HGS: variants seen among roughly 807,000 people sequenced by gnomAD.
HGS encodes the protein human growth factor-regulated tyrosine kinase substrate.
A neutral mutation model predicts 109.7 loss-of-function variants in HGS; 63 were observed. That is an observed-to-expected ratio of 0.57 (90% CI 0.47 to 0.71). The LOEUF (loss-of-function observed/expected upper bound fraction) is 0.71, where lower values mean the gene tolerates loss of function less well. Ranked by LOEUF, HGS falls within the 30% of genes least tolerant of loss-of-function variation. HGS has a pLI of 0.00. For synonymous variants in HGS, 546 were observed against 437.3 expected, an observed-to-expected ratio of 1.25 and a Z score of -3.10; for missense variants, 995 against 1,068.3, an observed-to-expected ratio of 0.93 and a Z score of 0.96.
Position 81,691,129 on chromosome 17 carries a change from T to G in HGS, c.538-318T>G. ...GGCTGGCAACCGGCAGTGCTTGGGG[T>G]TTGGGGTGTCAGCAGCTTCCAGCAC... On this transcript the variant is annotated intron_variant, in intron 7 of 21. Transcript: ENST00000329138. This position sits in a 1 kb window ranked among gnomAD's most constrained non-coding sequence, Gnocchi z 5.3. 2.4e-6 allele frequency: 1 copy of G among 414,034 alleles called. No homozygotes were observed. Among genetic ancestry groups the G allele is most frequent in the Non-Finnish European group, 4.4e-6 (1 of 226,566 alleles). The allele number at this position is 414,034 out of a possible 1,614,324, so 25.6% of individuals were successfully genotyped here. A position where few individuals can be genotyped will look rare whatever the true frequency, so the allele number is the denominator to read the frequency against.
chr17:81,695,155 C>A lies in HGS; in HGVS notation c.1120-9C>A. On this transcript the variant is annotated splice_polypyrimidine_tract_variant and intron_variant, in intron 13 of 21. Coordinates refer to ENST00000329138, the MANE Select transcript of HGS (RefSeq NM_004712.5). ...AGGTTGGAGGCCCCACTCATTCTCT[C>A]TCTTCCAGAACCCCCTCCCGGAGAC... The A allele has an allele frequency of 6.2e-7, 1 of 1,614,066 alleles. No homozygotes were observed. The highest frequency in any genetic ancestry group is 2.2e-5 in the East Asian group (1 of 44,888).
chr17:81,686,287 G>T, intron 2 of HGS, 25 bp from the exon 3 acceptor site: 1 of 1,600,018 alleles, frequency 6.2e-7, no homozygotes, highest in Admixed American at 1.7e-5. Flanking sequence ...GTTTTTCTCT[G>T]CTTTTATCAA....
chr17:81,701,104 C>A lies in HGS; in HGVS notation c.2196C>A (p.Ile732=). ...DASLPPQQPY[I]AGQQPMYQQM... ...CTCTGCCACCCCAGCAGCCCTACAT[C>A]GCGGGGCAGCAGCCCATGTACCAGC... is the stretch of plus-strand genomic sequence containing the variant. The change falls in exon 21 of 22, where the codon ATC becomes ATA. Residue 732 remains isoleucine, a synonymous_variant. Coordinates refer to ENST00000329138, the MANE Select transcript of HGS (RefSeq NM_004712.5). 1 of 1,613,956 alleles carries A rather than the reference C, an allele frequency of 6.2e-7. No individual in the cohort carries two copies. The highest frequency in any genetic ancestry group is 1.1e-5 in the South Asian group (1 of 91,086).
intron 4 of HGS, among the ~76,000 whole-genome samples, chr17:81,687,741 A>T (rs1014054928): frequency 2.0e-5 from 3 of 152,144 alleles, no homozygotes; most frequent in African/African-American, 7.2e-5. Flanking sequence ...AAGGAGAAAG[A>T]GTGTCCCATG....
chr17:81,700,494 A>G lies in HGS; in HGVS notation c.1910A>G (p.Tyr637Cys). ...ADPSMVSAYM[Y>C]PAGATGAQAA... ...CCCAGCATGGTGAGTGCCTACATGT[A>G]CCCAGCAGGGGCCACTGGGGCGCAG... Residue 637 changes from tyrosine (Y) to cysteine (C), a missense_variant, in exon 19 of 22, where the codon TAC (tyrosine) becomes TGC (cysteine). Tyr to Cys is a radical substitution (Grantham distance 194). Around this residue, in one of 6 missense-constraint regions of HGS, gnomAD observed 326 missense variants for 309.7 expected, o/e 1.05. Coordinates refer to ENST00000329138, the MANE Select transcript of HGS (RefSeq NM_004712.5). 6.3e-7 allele frequency: 1 copy of G among 1,599,958 alleles called. No homozygotes were observed. Among genetic ancestry groups the G allele is most frequent in the Non-Finnish European group, 8.5e-7 (1 of 1,172,800 alleles).
At chr17:81,699,845 C>T (rs1026826007) in intron 18 of HGS, among the ~76,000 whole-genome samples, 7 of 151,814 alleles carry the variant, frequency 4.6e-5, no homozygotes, top group South Asian at 2.1e-4. Flanking sequence ...GAGGCCGAGG[C>T]GGGTGGATCA....
Position 81,691,460 on chromosome 17 carries a change from C to T in HGS, c.551C>T (p.Ala184Val). The change falls in exon 8 of 22, where the codon GCG (alanine) becomes GTG (valine). Residue 184 changes from alanine (A) to valine (V), a missense_variant. This residue lies in a region of HGS where 182 missense variants were observed against 261.3 expected (regional missense o/e 0.70). Coordinates refer to ENST00000329138, the MANE Select transcript of HGS (RefSeq NM_004712.5). This position sits in a 1 kb window ranked among gnomAD's most constrained non-coding sequence, Gnocchi z 5.3. ...CCCATCTTACAGCACCACTGCCGGG[C>T]GTGTGGGCAGATATTCTGTGGAAAG... ...GVMTRKHHCR[A>V]CGQIFCGKCS... 2.5e-6 allele frequency: 4 copies of T among 1,614,024 alleles called. No individual in the cohort carries two copies. Among genetic ancestry groups the T allele is most frequent in the Non-Finnish European group, 3.4e-6 (4 of 1,179,990 alleles).
Position 81,693,982 on chromosome 17 carries a change from C to T in HGS, c.936+17C>T, listed in dbSNP as rs767136856. ...TCACCTGTGGTGAGCGGCCCTTGGG[C>T]TGGAGCTCCCTCTCCTGGAAGGCAG... On this transcript the variant is annotated intron_variant, in intron 11 of 21. Transcript: ENST00000329138. 5 of 1,592,248 alleles carry T rather than the reference C, an allele frequency of 3.1e-6. No individual in the cohort carries two copies. The Admixed American group carries it at 8.8e-5, about 28-fold the overall frequency.
chr17:81,693,533 T>C lies in HGS; in HGVS notation c.693T>C (p.Thr231=). ...CGGAGGGAAAGGCCACTTCCACCAC[T>C]GAGCTGCCCCCCGAGTACCTGACCA... is the stretch of plus-strand genomic sequence containing the variant. ...RKAEGKATST[T]ELPPEYLTSP... Residue 231 remains threonine (T), a synonymous_variant, in exon 9 of 22, where the codon ACT becomes ACC. Coordinates refer to ENST00000329138, the MANE Select transcript of HGS (RefSeq NM_004712.5). 1 of 1,613,320 alleles carries C rather than the reference T, an allele frequency of 6.2e-7. No homozygotes were observed. The highest frequency in any genetic ancestry group is 2.2e-5 in the East Asian group (1 of 44,882).
At chr17:81,686,103 TG>T (rs2036975585) in intron 2 of HGS, among the ~76,000 whole-genome samples, 1 of 152,050 alleles carries the variant, frequency 6.6e-6, no homozygotes, top group Admixed American at 6.6e-5. Flanking sequence ...GCTGATTTTT[TG>T]TATTTTGGTA....
rs199833004 is a variant in HGS at position 81,695,044 on chromosome 17, G to A, written c.1096G>A (p.Ala366Thr). 1.1e-4 allele frequency: 176 copies of A among 1,613,518 alleles called. No homozygotes were observed. The highest frequency in any genetic ancestry group is 1.4e-4 in the Non-Finnish European group (163 of 1,179,696). The stretch of plus-strand genomic sequence containing the variant: ...GGCTGCACAGCCTGGGGAAGGGCAC[G>A]CAGCCCCCACCAACGTGGTGGAGGT... ...EPAAQPGEGH[A>T]APTNVVENPL... is the part of the protein sequence containing the mutation. The change falls in exon 13 of 22, where the codon GCA (alanine) becomes ACA (threonine). Residue 366 changes from alanine (A) to threonine (T), a missense_variant. By Grantham distance (58) the Ala-to-Thr change is moderately conservative. Transcript: ENST00000329138.
At chr17:81,693,848 G>T in intron 10 of HGS, 22 bp from the exon 11 acceptor site, 2 of 1,588,076 alleles carry the variant, frequency 1.3e-6, no homozygotes, top group Non-Finnish European at 8.6e-7. Context: ...CCCAAGTGAC[G>T]CCCCTTCTGA....
rs1030913816 is a variant in HGS at position 81,701,633 on chromosome 17, A to G, written c.*15A>G. On this transcript the variant is annotated 3_prime_UTR_variant, in exon 22 of 22. Coordinates refer to ENST00000329138, the MANE Select transcript of HGS (RefSeq NM_004712.5). ...CATTCGACTGACCCAGGCCATGCTC[A>G]CGTCCGGAGTAACACTACATACAGT... 39 of 1,545,952 alleles carry G rather than the reference A, an allele frequency of 2.5e-5. No individual in the cohort carries two copies. The highest frequency in any genetic ancestry group is 3.1e-5 in the Non-Finnish European group (36 of 1,151,686).
In HGS at chr17:81,696,931, C is replaced by T. The variant is rs182706220; in HGVS notation, c.1815C>T (p.His605=). The stretch of plus-strand genomic sequence containing the variant: ...GCTCGGTGGAGGGCTCCCCAATGCA[C>T]GGCGTGTACATGAGCCAGCCGGCCC... ...PAGSVEGSPM[H]GVYMSQPAPA... The change falls in exon 18 of 22, where the codon CAC becomes CAT. Residue 605 remains histidine (H), a synonymous_variant. Coordinates refer to ENST00000329138, the MANE Select transcript of HGS (RefSeq NM_004712.5). 2.7e-5 allele frequency: 44 copies of T among 1,607,298 alleles called. No homozygotes were observed. The highest frequency in any genetic ancestry group is 1.3e-4 in the East Asian group (6 of 44,866).
chr17:81,691,580 C>T lies in HGS; in HGVS notation c.662+9C>T. 4 of 1,613,790 alleles carry T rather than the reference C, an allele frequency of 2.5e-6. No homozygotes were observed. The highest frequency in any genetic ancestry group is 3.4e-6 in the Non-Finnish European group (4 of 1,179,866). On this transcript the variant is annotated intron_variant, in intron 8 of 21. Transcript: ENST00000329138. The surrounding 1 kb of genome is among the most constrained non-coding windows in gnomAD (Gnocchi z 5.3). ...TACGAGCAGCTGAACAGGTGAGTCC[C>T]CGCCCCCCATTTGGGCTGCAGGTGG...
Position 81,693,945 on chromosome 17 carries a change from A to G in HGS, c.916A>G (p.Ser306Gly). Residue 306 changes from serine to glycine, a missense_variant, in exon 11 of 22, where the codon AGC (serine) becomes GGC (glycine). By Grantham distance (56) the Ser-to-Gly change is moderately conservative. Around this residue, in one of 6 missense-constraint regions of HGS, gnomAD observed 300 missense variants for 235.4 expected, o/e 1.27. Coordinates refer to ENST00000329138, the MANE Select transcript of HGS (RefSeq NM_004712.5). ...GGCCTCCTCAGCGCCCCCCGCCAGC[A>G]GCCTGTACTCTTCACCTGTGGTGAG... ...PSASSAPPAS[S>G]LYSSPVNSSA... The G allele has an allele frequency of 1.2e-6, 2 of 1,611,238 alleles. No individual in the cohort carries two copies. The highest frequency in any genetic ancestry group is 1.7e-6 in the Non-Finnish European group (2 of 1,179,694).
intron 3 of HGS, 79 bp downstream of exon 3, chr17:81,686,466 C>A: frequency 9.4e-7 from 1 of 1,067,624 alleles, no homozygotes; most frequent in South Asian, 1.3e-5. Flanking sequence ...AGAGTTTGTC[C>A]TGTGGCCTTG....
At chr17:81,688,568 C>T (rs1206722652) in intron 4 of HGS, 136 bp from the exon 5 acceptor site, 1 of 1,079,772 alleles carries the variant, frequency 9.3e-7, no homozygotes, top group South Asian at 1.5e-5. Flanking sequence ...CCCCACGCCC[C>T]ACTCGGGGGG....
chr17:81,694,748 C>T, intron 11 of HGS, 67 bp from the exon 12 acceptor site: 1 of 1,597,682 alleles, frequency 6.3e-7, no homozygotes. Context: ...GCACTGGGGA[C>T]ATCCCTGTCC....
Sources: gnomAD v4.1 joint callset for allele counts (sites outside exome capture counted in the v4.1 genomes callset) on GRCh38, gnomAD v4.1.1 for gene constraint, gnomAD v4.1.1 regional missense constraint, Gnocchi (gnomAD v3.1) non-coding constraint, MANE v1.5 for transcripts, NCBI Gene and HGNC (gene_info 2026-07-23, HGNC 2026-07-21) for gene names.